The following EFR3A variants were observed in gnomAD, a reference collection of about 807,000 sequenced individuals.
EFR3A encodes EFR3 homolog A.
A neutral mutation model predicts 104.4 loss-of-function variants in EFR3A; 76 were observed. The observed-to-expected ratio is 0.73, with a 90% CI of 0.60 to 0.88. The LOEUF is 0.88. Among genes scored for constraint, EFR3A ranks in the 40% least tolerant of loss-of-function variants. The probability of loss-of-function intolerance (pLI) is 0.00; values close to 1 mark genes in which losing one functional copy is unlikely to be tolerated. For missense variants in EFR3A, 985 were observed against 1,012.5 expected (o/e 0.97, Z 0.37); for synonymous variants, 330 against 330.0 (o/e 1.00, Z 0.00).
chr8:131,984,866 CAG>C, intron 15 of EFR3A, 61 bp from the exon 16 acceptor site: 1 of 1,439,710 alleles, frequency 6.9e-7, no homozygotes, highest in Non-Finnish European at 9.3e-7. Flanking sequence ...CCAGTGTAAT[CAG>C]AGAAAATGCT....
chr8:131,951,232 G>A (rs16904556), intron 5 of EFR3A, among the ~76,000 whole-genome samples: 6,269 of 152,088 alleles, frequency 0.041, 311 homozygotes, highest in East Asian at 0.12. Context: ...TTATTTTCAG[G>A]TATAAGATTT....
chr8:131,964,841 C>T (rs1331593122), intron 8 of EFR3A, among the ~76,000 whole-genome samples: 2 of 152,194 alleles, frequency 1.3e-5, no homozygotes. Context: ...GTAACCAAAA[C>T]AGCATGGTAC....
chr8:131,998,968 C>A (rs1821644425), intron 19 of EFR3A, among the ~76,000 whole-genome samples: 1 of 151,970 alleles, frequency 6.6e-6, no homozygotes, highest in Non-Finnish European at 1.5e-5. Context: ...ACAGAGGCAT[C>A]TCTGTCTCCT....
At chr8:131,998,641 TATTATTTCTTCTAAATAATGC>T (rs1046667805) in intron 19 of EFR3A, among the ~76,000 whole-genome samples, 7 of 152,100 alleles carry the variant, frequency 4.6e-5, no homozygotes, top group African/African-American at 1.2e-4. Context: ...AGATGTATAT[TATTATTTCTTCTAAATAATGC>T]ATTATTTCTT....
Position 131,984,121 on chromosome 8 carries a change from T to C in EFR3A, c.1576-18T>C. ...ATTTTAAGCAAAATTACCTTTGTCC[T>C]CTGTCTTTTCTCCTCAGAATGGGCA... is the stretch of plus-strand genomic sequence containing the variant. On this transcript the variant is annotated intron_variant, in intron 14 of 22. Coordinates refer to ENST00000254624, the MANE Select transcript of EFR3A (RefSeq NM_015137.6). 1 of 1,580,876 alleles carries C rather than the reference T, an allele frequency of 6.3e-7. No homozygotes were observed. The highest frequency in any genetic ancestry group is 1.2e-5 in the South Asian group (1 of 83,748).
At chr8:131,940,461 A>T (rs1818108065) in intron 1 of EFR3A, 38 bp from the exon 2 acceptor site, 2 of 1,533,254 alleles carry the variant, frequency 1.3e-6, no homozygotes, top group Non-Finnish European at 1.8e-6. Flanking sequence ...TACAATATTA[A>T]TAATATCTGT....
In EFR3A at chr8:131,905,680, A is replaced by G. The variant is rs1816223530; in HGVS notation, c.10+1358A>G. Among the ~76,000 whole-genome samples the G allele has an allele frequency of 2.0e-5, 3 of 152,314 alleles. No individual in the cohort carries two copies. The South Asian group carries it at 6.2e-4, about 32-fold the overall frequency. ...GGCTGGAGGAATATCATTTACAATCATCTTCATTGTTATTGCCAGTTTAGT... is the reference window on the plus strand; with the variant it reads ...GGCTGGAGGAATATCATTTACAATCGTCTTCATTGTTATTGCCAGTTTAGT... On this transcript the variant is annotated intron_variant, in intron 1 of 22. Coordinates refer to ENST00000254624, the MANE Select transcript of EFR3A (RefSeq NM_015137.6).
intron 14 of EFR3A, among the ~76,000 whole-genome samples, chr8:131,979,741 T>A (rs1820513891): frequency 6.6e-6 from 1 of 152,244 alleles, no homozygotes; most frequent in African/African-American, 2.4e-5. Context: ...TAGCAGCTCT[T>A]TTATATAGAC....
chr8:131,962,067 C>G (rs1277188506), intron 8 of EFR3A, among the ~76,000 whole-genome samples: 1 of 152,012 alleles, frequency 6.6e-6, no homozygotes, highest in Non-Finnish European at 1.5e-5. Context: ...AAGCACTAAA[C>G]ATGGAAAGGA....
At chr8:131,946,446 T>C in intron 3 of EFR3A, 37 bp from the exon 4 acceptor site, 1 of 1,498,020 alleles carries the variant, frequency 6.7e-7, no homozygotes, top group South Asian at 1.4e-5. Flanking sequence ...TTAAGAGAGG[T>C]AGAAATGCTT....
At chr8:131,913,398 C>T (rs1816608870) in intron 1 of EFR3A, among the ~76,000 whole-genome samples, 1 of 151,656 alleles carries the variant, frequency 6.6e-6, no homozygotes, top group Non-Finnish European at 1.5e-5. Flanking sequence ...ATTTCTTGCT[C>T]TCTGACTTTA....
At chr8:131,969,906 A>G (rs971268699) in intron 9 of EFR3A, among the ~76,000 whole-genome samples, 7 of 152,124 alleles carry the variant, frequency 4.6e-5, no homozygotes, top group Non-Finnish European at 1.0e-4. Flanking sequence ...CAGAAATGAA[A>G]CCCACTAATT....
intron 2 of EFR3A, among the ~76,000 whole-genome samples, 161 bp from the exon 3 acceptor site, chr8:131,944,584 T>G (rs964034238): frequency 2.0e-5 from 3 of 152,058 alleles, no homozygotes; most frequent in Non-Finnish European, 4.4e-5. Flanking sequence ...TATGTATCCA[T>G]CATGGTGAAT....
intron 19 of EFR3A, among the ~76,000 whole-genome samples, chr8:131,998,510 A>G (rs1814371998): frequency 6.6e-6 from 1 of 151,892 alleles, no homozygotes; most frequent in South Asian, 2.1e-4. Context: ...TCAAATTGTT[A>G]CTCTAGTCTA....
chr8:131,994,905 A>T (rs1821397663), intron 18 of EFR3A, among the ~76,000 whole-genome samples: 1 of 152,074 alleles, frequency 6.6e-6, no homozygotes, highest in Non-Finnish European at 1.5e-5. Flanking sequence ...TCTTTGAGAG[A>T]GTTAGAAGTC....
In EFR3A at chr8:131,985,044, G is replaced by A; in HGVS notation, c.1853G>A (p.Cys618Tyr). 6.2e-7 allele frequency: 1 copy of A among 1,613,216 alleles called. No homozygotes were observed. Among genetic ancestry groups the A allele is most frequent in the South Asian group, 1.1e-5 (1 of 90,994 alleles). Reference protein sequence around the residue: ...VSQMIAVPAFCQHVSKVIEIR... With the variant: ...VSQMIAVPAFYQHVSKVIEIR... The stretch of plus-strand genomic sequence containing the variant: ...CAGATGATAGCTGTCCCTGCATTTT[G>A]CCAGCATGTTAGCAAGGTAATGTAT... The change falls in exon 16 of 23, where the codon TGC (cysteine) becomes TAC (tyrosine). Residue 618 changes from cysteine to tyrosine, a missense_variant. Physicochemically the swap from Cys to Tyr is radical, Grantham distance 194. Transcript: ENST00000254624.
intron 1 of EFR3A, among the ~76,000 whole-genome samples, chr8:131,938,726 G>A (rs1818024028): frequency 6.6e-6 from 1 of 152,068 alleles, no homozygotes; most frequent in African/African-American, 2.4e-5. Flanking sequence ...CTTGAGTTTA[G>A]TGTGGCAGTT....
At chr8:131,968,553 A>AT (rs1324079435) in intron 9 of EFR3A, 123 bp downstream of exon 9, 31 of 1,077,598 alleles carry the variant, frequency 2.9e-5, no homozygotes, top group Admixed American at 6.3e-5. Flanking sequence ...GTGTACAATA[A>AT]TTTTTTTTGA....
chr8:131,908,474 T>A (rs1046301990), intron 1 of EFR3A, among the ~76,000 whole-genome samples: 2 of 152,202 alleles, frequency 1.3e-5, no homozygotes, highest in Non-Finnish European at 2.9e-5. Context: ...TTGCTATTAG[T>A]AATAGGAAGT....
Sources: allele counts gnomAD v4.1 joint callset (sites outside exome capture counted in the v4.1 genomes callset), GRCh38; gene constraint gnomAD v4.1.1; transcripts MANE v1.5; gene names NCBI Gene and HGNC (gene_info 2026-07-23, HGNC 2026-07-21).